ACSS3: variants seen among roughly 807,000 people sequenced by gnomAD.
The protein encoded by ACSS3 is acyl-CoA synthetase short chain family member 3.
A neutral mutation model predicts 84.2 loss-of-function variants in ACSS3; 64 were observed. The ratio of observed to expected loss-of-function variants is 0.76; its 90% CI spans 0.62 to 0.94. ACSS3 has a LOEUF of 0.94. Among genes scored for constraint, ACSS3 ranks in the 40% least tolerant of loss-of-function variants. The probability of loss-of-function intolerance (pLI) is 0.00; values close to 1 mark genes in which losing one functional copy is unlikely to be tolerated. For synonymous variants in ACSS3, 317 were observed against 310.1 expected, an observed-to-expected ratio of 1.02 and a Z score of -0.23; for missense variants, 815 against 867.6, an observed-to-expected ratio of 0.94 and a Z score of 0.76.
chr12:81,197,858 T>C (rs968203668), intron 8 of ACSS3, among the ~76,000 whole-genome samples: 2 of 152,168 alleles, frequency 1.3e-5, no homozygotes, highest in African/African-American at 4.8e-5. Context: ...CTTGCCTTCC[T>C]ATAATTCCTG....
chr12:81,102,693 A>G (rs12299448), intron 1 of ACSS3, among the ~76,000 whole-genome samples: 61,167 of 151,392 alleles, frequency 0.4, 14,009 homozygotes, highest in Non-Finnish European at 0.53. Context: ...GCTGGGTTTG[A>G]TGGTGCACAC....
At chr12:81,130,858 C>T (rs1374627923) in intron 2 of ACSS3, among the ~76,000 whole-genome samples, 6 of 152,162 alleles carry the variant, frequency 3.9e-5, no homozygotes, top group South Asian at 2.1e-4. Context: ...CTAGCCAGTT[C>T]TTCCAGCTCC....
At chr12:81,187,664 T>TA (rs1037733432) in intron 8 of ACSS3, among the ~76,000 whole-genome samples, 15 of 151,738 alleles carry the variant, frequency 9.9e-5, no homozygotes, top group East Asian at 5.8e-4. Context: ...TGTGAAAAAA[T>TA]AAAAAAAATT....
chr12:81,156,624 C>T (rs562475841), intron 7 of ACSS3, among the ~76,000 whole-genome samples: 1 of 152,070 alleles, frequency 6.6e-6, no homozygotes, highest in African/African-American at 2.4e-5. Context: ...TCACTAAAGA[C>T]GCTGCAGACA....
In ACSS3 at chr12:81,253,636, C is replaced by T. The variant is rs1340927647; in HGVS notation, c.1961C>T (p.Ala654Val). The T allele has an allele frequency of 6.2e-7, 1 of 1,613,826 alleles. No individual in the cohort carries two copies. Among genetic ancestry groups the T allele is most frequent in the Non-Finnish European group, 8.5e-7 (1 of 1,179,816 alleles). ...KTRSGKIPRS[A>V]LSAIVNGKPY... The stretch of plus-strand genomic sequence containing the variant: ...AGATCTGGCAAGATCCCCCGATCAG[C>T]TTTATCTGCCATTGTCAATGGCAAG... The change falls in exon 15 of 16, where the codon GCT becomes GTT. Residue 654 changes from alanine (A) to valine (V), a missense_variant. Physicochemically the swap from Ala to Val is moderately conservative, Grantham distance 64. Coordinates refer to ENST00000548058, the MANE Select transcript of ACSS3 (RefSeq NM_024560.4).
At chr12:81,243,107 AC>A (rs1226351546) in intron 13 of ACSS3, among the ~76,000 whole-genome samples, 1 of 151,954 alleles carries the variant, frequency 6.6e-6, no homozygotes, top group Non-Finnish European at 1.5e-5. Flanking sequence ...TATCTAGAAA[AC>A]CCCATTGTCT....
chr12:81,187,547 G>A (rs539621905), intron 8 of ACSS3, among the ~76,000 whole-genome samples: 1 of 151,858 alleles, frequency 6.6e-6, no homozygotes, highest in Admixed American at 6.6e-5. Flanking sequence ...TTGCATATCA[G>A]CATTTCAAAT....
intron 1 of ACSS3, among the ~76,000 whole-genome samples, chr12:81,096,623 C>T (rs994605670): frequency 4.0e-5 from 6 of 150,508 alleles, no homozygotes; most frequent in African/African-American, 1.2e-4. Flanking sequence ...CCTCCCCTTG[C>T]CCCCCACCCC....
chr12:81,124,616 G>A (rs969297006), intron 2 of ACSS3: 1 of 151,940 alleles, frequency 6.6e-6, no homozygotes, highest in African/African-American at 2.4e-5. Context: ...TTTTTCTTTA[G>A]CATTTCTCGA....
At chr12:81,171,603 T>C (rs2030049096) in intron 7 of ACSS3, among the ~76,000 whole-genome samples, 2 of 152,196 alleles carry the variant, frequency 1.3e-5, no homozygotes, top group Admixed American at 1.3e-4. Flanking sequence ...ATAGTAATGC[T>C]ACATTATCAT....
chr12:81,155,636 T>A (rs1325728354), intron 7 of ACSS3, among the ~76,000 whole-genome samples: 1 of 152,248 alleles, frequency 6.6e-6, no homozygotes, highest in Non-Finnish European at 1.5e-5. Flanking sequence ...TACAGTTTGT[T>A]GAATCTACTT....
intron 2 of ACSS3, among the ~76,000 whole-genome samples, chr12:81,133,840 G>C (rs1216640654): frequency 2.6e-5 from 4 of 152,026 alleles, no homozygotes; most frequent in Non-Finnish European, 5.9e-5. Flanking sequence ...TCTGAAAACA[G>C]TGTCTGACAT....
At chr12:81,187,916 A>G (rs2031361890) in intron 8 of ACSS3, among the ~76,000 whole-genome samples, 1 of 151,922 alleles carries the variant, frequency 6.6e-6, no homozygotes, top group African/African-American at 2.4e-5. Flanking sequence ...ATAAATATGA[A>G]TGTGCCCAAA....
intron 8 of ACSS3, among the ~76,000 whole-genome samples, chr12:81,180,503 G>A (rs1469978325): frequency 6.6e-6 from 1 of 152,064 alleles, no homozygotes; most frequent in African/African-American, 2.4e-5. Context: ...ATCTATCTAT[G>A]TATCTATCTG....
intron 1 of ACSS3, among the ~76,000 whole-genome samples, chr12:81,079,600 C>T (rs1880843379): frequency 6.6e-6 from 1 of 152,144 alleles, no homozygotes; most frequent in African/African-American, 2.4e-5. Context: ...CCCTTCCTAT[C>T]AATTATTTTT....
chr12:81,257,350 G>T lies in ACSS3; in HGVS notation c.*2428G>T, dbSNP rs1451130912. 6.6e-6 allele frequency: 1 copy of T among 151,998 alleles called. No homozygotes were observed. Among genetic ancestry groups the T allele is most frequent in the African/African-American group, 2.4e-5 (1 of 41,396 alleles). The allele number at this position is 151,998 out of a possible 1,614,324, so 9.4% of individuals were successfully genotyped here. A position where few individuals can be genotyped will look rare whatever the true frequency, so the allele number is the denominator to read the frequency against. On this transcript the variant is annotated 3_prime_UTR_variant, in exon 16 of 16. Coordinates refer to ENST00000548058, the MANE Select transcript of ACSS3 (RefSeq NM_024560.4). The stretch of plus-strand genomic sequence containing the variant: ...TGAATCATCAGACTGCTTAAAATTT[G>T]GGAGGAAAAAATTCTATTTTACTAC...
intron 1 of ACSS3, among the ~76,000 whole-genome samples, chr12:81,090,206 G>A (rs1255832594): frequency 1.3e-5 from 2 of 151,824 alleles, no homozygotes; most frequent in Non-Finnish European, 2.9e-5. Flanking sequence ...TGATTTCGTC[G>A]CCTTTCAATG....
At position 81,157,931 on chromosome 12, in the gene ACSS3, T is replaced by TACACACACAC. The variant is rs35855433; in HGVS notation, c.1098+5865_1098+5874dup. On this transcript the variant is annotated intron_variant, in intron 7 of 15. Transcript: ENST00000548058. ...ATTATTTGCATAAATGATTACAGAA[T>TACACACACAC]ACACACACACACACACACACACACA... Among the ~76,000 whole-genome samples, 161 of 144,208 alleles carry TACACACACAC rather than the reference T, an allele frequency of 1.1e-3. 1 individual carries two copies. Among genetic ancestry groups the TACACACACAC allele is most frequent in the Admixed American group, 3.8e-3 (55 of 14,440 alleles). The allele number at this position is 144,208 out of a possible 152,430, so 94.6% of individuals were successfully genotyped here.
intron 1 of ACSS3, among the ~76,000 whole-genome samples, chr12:81,105,136 G>A (rs937453302): frequency 6.6e-6 from 1 of 152,110 alleles, no homozygotes; most frequent in African/African-American, 2.4e-5. Flanking sequence ...ACAATCAATG[G>A]GTGCCAGCAC....
Sources: allele counts gnomAD v4.1 joint callset (sites outside exome capture counted in the v4.1 genomes callset), GRCh38; gene constraint gnomAD v4.1.1; transcripts MANE v1.5; gene names NCBI Gene and HGNC (gene_info 2026-07-23, HGNC 2026-07-21).